SLC35F3: variants seen among roughly 807,000 people sequenced by gnomAD.
SLC35F3 encodes solute carrier family 35 member F3.
In SLC35F3, 25 loss-of-function variants were observed where a neutral mutation model predicts 49.9. The observed-to-expected ratio is 0.50, with a 90% confidence interval of 0.37 to 0.70. The LOEUF (loss-of-function observed/expected upper bound fraction) is 0.70, where lower values mean the gene tolerates loss of function less well. Among genes scored for constraint, SLC35F3 ranks in the 30% least tolerant of loss-of-function variants. The pLI is 0.00. For synonymous variants in SLC35F3, 275 were observed against 265.4 expected (o/e 1.04, Z -0.35); for missense variants, 525 against 639.8 (o/e 0.82, Z 1.94).
intron 3 of SLC35F3, among the ~76,000 whole-genome samples, chr1:234,247,555 G>A (rs948395681): frequency 1.3e-4 from 19 of 148,924 alleles, no homozygotes; most frequent in South Asian, 4.4e-4. Flanking sequence ...TGCCTGGTTC[G>A]TTGTTCAGTG....
At chr1:234,123,780 T>A (rs574954283) in intron 2 of SLC35F3, among the ~76,000 whole-genome samples, 3 of 152,218 alleles carry the variant, frequency 2.0e-5, no homozygotes, top group African/African-American at 7.2e-5. Flanking sequence ...GAAGAGGAAT[T>A]TTTAAAAATC....
intron 2 of SLC35F3, among the ~76,000 whole-genome samples, chr1:233,946,120 A>G (rs1024702098): frequency 6.6e-6 from 1 of 152,218 alleles, no homozygotes; most frequent in African/African-American, 2.4e-5. Flanking sequence ...GACTGTACAA[A>G]TACTGCAACT....
intron 2 of SLC35F3, among the ~76,000 whole-genome samples, chr1:234,143,675 A>G (rs564129308): frequency 1.3e-5 from 2 of 152,288 alleles, no homozygotes; most frequent in East Asian, 3.9e-4. Flanking sequence ...ACTTAGCACA[A>G]TGTCCTCCAG....
intron 3 of SLC35F3, among the ~76,000 whole-genome samples, chr1:234,264,581 C>G (rs973859406): frequency 5.9e-5 from 9 of 152,184 alleles, no homozygotes; most frequent in Non-Finnish European, 1.3e-4. Context: ...GGATCTTGCT[C>G]TGTTACCCAT....
intron 4 of SLC35F3, among the ~76,000 whole-genome samples, chr1:234,310,622 C>G (rs1657330503): frequency 6.6e-6 from 1 of 152,178 alleles, no homozygotes; most frequent in Admixed American, 6.5e-5. Flanking sequence ...ATCTGAATGT[C>G]CTGGGCCCCC....
intron 3 of SLC35F3, among the ~76,000 whole-genome samples, chr1:234,238,397 G>A (rs1667507541): frequency 6.6e-6 from 1 of 152,230 alleles, no homozygotes; most frequent in African/African-American, 2.4e-5. Flanking sequence ...GATGGGGGAG[G>A]CTGAATAGGT....
intron 3 of SLC35F3, among the ~76,000 whole-genome samples, chr1:234,262,656 C>G (rs1272652018): frequency 6.6e-6 from 1 of 152,200 alleles, no homozygotes; most frequent in East Asian, 1.9e-4. Context: ...CTCTCTGGTG[C>G]CCATACTATC....
intron 2 of SLC35F3, among the ~76,000 whole-genome samples, chr1:233,927,809 A>G (rs1662183953): frequency 6.6e-6 from 1 of 152,162 alleles, no homozygotes; most frequent in Non-Finnish European, 1.5e-5. Flanking sequence ...GCTAAAGAAA[A>G]CTATCATTTA....
intron 3 of SLC35F3, among the ~76,000 whole-genome samples, chr1:234,276,173 A>T (rs1463000457): frequency 1.3e-5 from 2 of 152,214 alleles, no homozygotes; most frequent in Admixed American, 6.5e-5. Flanking sequence ...AACAGAAATC[A>T]GGACAAATTC....
chr1:233,928,571 T>C (rs6688661), intron 2 of SLC35F3, among the ~76,000 whole-genome samples: 141,563 of 152,210 alleles, frequency 0.93, 66,704 homozygotes, highest in East Asian at 1. Context: ...ATGACAGTTC[T>C]AGTTCAGATA....
At chr1:234,079,107 G>A (rs575753276) in intron 2 of SLC35F3, among the ~76,000 whole-genome samples, 1 of 152,198 alleles carries the variant, frequency 6.6e-6, no homozygotes, top group Non-Finnish European at 1.5e-5. Context: ...ACAGTGTGCT[G>A]CTGGTACAGG....
At chr1:234,199,783 C>T (rs867530293) in intron 2 of SLC35F3, among the ~76,000 whole-genome samples, 5 of 152,104 alleles carry the variant, frequency 3.3e-5, no homozygotes, top group South Asian at 4.1e-4. Flanking sequence ...GTAACTCAAA[C>T]AACTCAATAG....
intron 2 of SLC35F3, among the ~76,000 whole-genome samples, chr1:234,177,019 G>T (rs534557950): frequency 6.6e-6 from 1 of 152,288 alleles, no homozygotes; most frequent in African/African-American, 2.4e-5. Context: ...ATCTTGAATT[G>T]TAATTCCCAC....
At chr1:234,191,073 T>G (rs1666724040) in intron 2 of SLC35F3, among the ~76,000 whole-genome samples, 1 of 152,158 alleles carries the variant, frequency 6.6e-6, no homozygotes, top group South Asian at 2.1e-4. Context: ...GGTTAGCTGT[T>G]TACTTGCTCA....
intron 5 of SLC35F3, 95 bp from the exon 6 acceptor site, chr1:234,318,656 C>A: frequency 2.7e-6 from 3 of 1,107,538 alleles, no homozygotes; most frequent in Non-Finnish European, 3.9e-6. Flanking sequence ...TCCTGCAGTG[C>A]AAACCCAGCG....
At chr1:234,055,917 G>T (rs917653604) in intron 2 of SLC35F3, among the ~76,000 whole-genome samples, 2 of 152,182 alleles carry the variant, frequency 1.3e-5, no homozygotes, top group South Asian at 2.1e-4. Flanking sequence ...CCAGCTCACA[G>T]AAATGCCTCT....
At chr1:234,193,943 A>C (rs567014631) in intron 2 of SLC35F3, among the ~76,000 whole-genome samples, 80 of 152,366 alleles carry the variant, frequency 5.3e-4, no homozygotes, top group African/African-American at 1.9e-3. Flanking sequence ...AAAGCAAAAA[A>C]TAATAGATGT....
chr1:234,253,976 C>G (rs1039452848), intron 3 of SLC35F3, among the ~76,000 whole-genome samples: 1 of 152,224 alleles, frequency 6.6e-6, no homozygotes, highest in South Asian at 2.1e-4. Flanking sequence ...CTGCCTCTCA[C>G]ATGGGGATCC....
At chr1:234,011,794 C>T (rs1006673795) in intron 2 of SLC35F3, among the ~76,000 whole-genome samples, 2 of 152,094 alleles carry the variant, frequency 1.3e-5, no homozygotes, top group Admixed American at 1.3e-4. Flanking sequence ...CTGCTGTACA[C>T]CCAACATTGG....
Sources: allele counts gnomAD v4.1 joint callset (sites outside exome capture counted in the v4.1 genomes callset), GRCh38; gene constraint gnomAD v4.1.1; transcripts MANE v1.5; gene names NCBI Gene and HGNC (gene_info 2026-07-23, HGNC 2026-07-21).